The following PTBP2 variants were observed in gnomAD, a reference collection of about 807,000 sequenced individuals.
PTBP2 encodes polypyrimidine tract-binding protein 2.
Under a neutral mutation model 61.4 loss-of-function variants are expected in PTBP2, and 13 were observed. The ratio of observed to expected loss-of-function variants is 0.21; its 90% CI spans 0.14 to 0.34. The LOEUF is 0.34. PTBP2 is among the 10% of genes least tolerant of loss of function. The probability of loss-of-function intolerance (pLI) is 1.00; values close to 1 mark genes in which losing one functional copy is unlikely to be tolerated. For synonymous variants in PTBP2, 215 were observed against 218.5 expected (o/e 0.98, Z 0.14); for missense variants, 405 against 642.6 (o/e 0.63, Z 4.00).
At chr1:96,801,060 G>A (rs992406797) in intron 8 of PTBP2, among the ~76,000 whole-genome samples, 10 of 152,102 alleles carry the variant, frequency 6.6e-5, no homozygotes, top group African/African-American at 2.2e-4. Context: ...TGTATCTCAA[G>A]ATATGAAGCA....
At chr1:96,791,564 T>C (rs531894906) in intron 8 of PTBP2, among the ~76,000 whole-genome samples, 1 of 152,122 alleles carries the variant, frequency 6.6e-6, no homozygotes, top group Non-Finnish European at 1.5e-5. Context: ...AAGTAGACTT[T>C]TCTAAAACGA....
rs368146280 is a variant in PTBP2 at position 96,800,435 on chromosome 1, C to CT, written c.905-4364dup. 7.1e-5 allele frequency among the ~76,000 whole-genome samples: 10 copies of CT among 140,410 alleles called. 1 individual carries two copies. Among genetic ancestry groups the CT allele is most frequent in the African/African-American group, 2.7e-4 (10 of 37,452 alleles). 92.1% of individuals were successfully genotyped at this position (140,410 alleles called of 152,430 possible). A position where few individuals can be genotyped will look rare whatever the true frequency, so the allele number is the denominator to read the frequency against. On this transcript the variant is annotated intron_variant, in intron 8 of 13. Coordinates refer to ENST00000674951, the MANE Select transcript of PTBP2 (RefSeq NM_021190.4). ...TTTTTAATGTTTCAGATCTGTCACACTAAAAAGGGCTTTAGACCAGGTGTT... is the reference window on the plus strand; with the variant it reads ...TTTTTAATGTTTCAGATCTGTCACACTTAAAAAGGGCTTTAGACCAGGTGTT...
intron 8 of PTBP2, among the ~76,000 whole-genome samples, chr1:96,794,789 G>A (rs1660198649): frequency 6.6e-6 from 1 of 152,102 alleles, no homozygotes; most frequent in South Asian, 2.1e-4. Context: ...GGAGAAATTG[G>A]GAGGGTTTTA....
At chr1:96,725,968 G>T (rs912164736) in intron 2 of PTBP2, among the ~76,000 whole-genome samples, 1 of 149,922 alleles carries the variant, frequency 6.7e-6, no homozygotes, top group Non-Finnish European at 1.5e-5. Context: ...CCAGCTACTC[G>T]GGAGGCTGAG....
At chr1:96,821,164 C>T (rs1662672072) in exon 14 of PTBP2, 1 of 152,022 alleles carries the variant, frequency 6.6e-6, no homozygotes, top group Non-Finnish European at 1.5e-5. Flanking sequence ...TGTAGAAATA[C>T]AGGGTTGGGA....
intron 7 of PTBP2, among the ~76,000 whole-genome samples, chr1:96,781,324 G>C (rs12079217): frequency 0.022 from 3,382 of 151,854 alleles, 127 homozygotes; most frequent in African/African-American, 0.076. Flanking sequence ...AAGTCATATT[G>C]CTTCTAATCA....
intron 9 of PTBP2, among the ~76,000 whole-genome samples, chr1:96,805,340 A>AT (rs954266616): frequency 5.9e-5 from 9 of 151,548 alleles, no homozygotes; most frequent in Non-Finnish European, 1.0e-4. Context: ...ATGTCATTGC[A>AT]TTTTTTTTAA....
chr1:96,751,381 T>A, intron 2 of PTBP2, 44 bp from the exon 3 acceptor site: 1 of 1,420,476 alleles, frequency 7.0e-7, no homozygotes, highest in Non-Finnish European at 9.9e-7. Context: ...TTAATATTTT[T>A]AAATTTAAAG....
chr1:96,813,422 A>G lies in PTBP2; in HGVS notation c.*17A>G. The G allele has an allele frequency of 6.4e-7, 1 of 1,568,414 alleles. No individual in the cohort carries two copies. Among genetic ancestry groups the G allele is most frequent in the Non-Finnish European group, 8.7e-7 (1 of 1,155,018 alleles). ...ACAATTTAAAAATGGGAAGATGAAGATTGGGGGTGAATCACATTGTTCAAT... is the reference window on the plus strand; with the variant it reads ...ACAATTTAAAAATGGGAAGATGAAGGTTGGGGGTGAATCACATTGTTCAAT... On this transcript the variant is annotated 3_prime_UTR_variant, in exon 14 of 14. Transcript: ENST00000674951.
chr1:96,816,219 A>C (rs1327909448), downstream of PTBP2: 1 of 152,180 alleles, frequency 6.6e-6, no homozygotes, highest in Non-Finnish European at 1.5e-5. Flanking sequence ...CTTCCTTCCA[A>C]AGCACCAAGT....
At chr1:96,783,363 AGTTTTT>A (rs906538448) in intron 7 of PTBP2, among the ~76,000 whole-genome samples, 2 of 151,790 alleles carry the variant, frequency 1.3e-5, no homozygotes, top group African/African-American at 4.8e-5. Context: ...ACCTACATAA[AGTTTTT>A]GTTTTTGTTT....
At chr1:96,752,453 C>CT (rs769653235) in intron 3 of PTBP2, among the ~76,000 whole-genome samples, 78 of 152,146 alleles carry the variant, frequency 5.1e-4, no homozygotes, top group South Asian at 1.5e-3. Flanking sequence ...ACACACATCT[C>CT]TGACAATTCA....
intron 7 of PTBP2, among the ~76,000 whole-genome samples, chr1:96,780,807 A>C (rs754135584): frequency 6.6e-6 from 1 of 152,064 alleles, no homozygotes; most frequent in Non-Finnish European, 1.5e-5. Context: ...AATATCTTCA[A>C]ACAGTGTGTT....
At chr1:96,795,305 A>C (rs1421296927) in intron 8 of PTBP2, among the ~76,000 whole-genome samples, 1 of 152,204 alleles carries the variant, frequency 6.6e-6, no homozygotes, top group East Asian at 1.9e-4. Flanking sequence ...GAGAATGCAA[A>C]GTAAGAAACA....
At chr1:96,762,826 G>A (rs989778243) in intron 3 of PTBP2, among the ~76,000 whole-genome samples, 12 of 151,220 alleles carry the variant, frequency 7.9e-5, no homozygotes, top group Admixed American at 4.6e-4. Context: ...CTCAGATGGG[G>A]CGGCTGCTGG....
rs770780634 is a variant in PTBP2, at chr1:96,812,836, T to C, written c.1296T>C (p.Gly432=). ...ATCAAGGGCTAACAAAAGATTTTGG[T>C]AATTCCCCATTGCATCGTTTTAAGA... ...LDDQGLTKDF[G]NSPLHRFKKP... Residue 432 remains glycine, a synonymous_variant, in exon 12 of 14, where the codon GGT becomes GGC. Transcript: ENST00000674951. 1 of 1,613,816 alleles carries C rather than the reference T, an allele frequency of 6.2e-7. No individual in the cohort carries two copies. Among genetic ancestry groups the C allele is most frequent in the Non-Finnish European group, 8.5e-7 (1 of 1,179,786 alleles).
At chr1:96,785,338 T>G in intron 8 of PTBP2, 84 bp downstream of exon 8, 1 of 1,093,166 alleles carries the variant, frequency 9.1e-7, no homozygotes. Flanking sequence ...CCCCCCATTT[T>G]GGACCTTACC....
intron 5 of PTBP2, among the ~76,000 whole-genome samples, chr1:96,774,469 A>G (rs1657791250): frequency 1.3e-5 from 2 of 152,272 alleles, no homozygotes; most frequent in South Asian, 4.1e-4. Flanking sequence ...TGTTTATTTT[A>G]TATTCATTCA....
intron 4 of PTBP2, among the ~76,000 whole-genome samples, chr1:96,770,204 T>C (rs746446856): frequency 9.2e-5 from 14 of 152,056 alleles, no homozygotes; most frequent in Non-Finnish European, 1.9e-4. Flanking sequence ...GTCGCATCTT[T>C]CCTTAAGCTT....
Sources: gnomAD v4.1 joint callset for allele counts (sites outside exome capture counted in the v4.1 genomes callset) on GRCh38, gnomAD v4.1.1 for gene constraint, MANE v1.5 for transcripts, NCBI Gene and HGNC (gene_info 2026-07-23, HGNC 2026-07-21) for gene names.